Variants in MBP observed in about 807,000 individuals in gnomAD.
The protein encoded by MBP is Golli-MBP.
A neutral mutation model predicts 35.8 loss-of-function variants in MBP; 16 were observed. The ratio of observed to expected loss-of-function variants is 0.45; its 90% CI spans 0.30 to 0.68. The LOEUF is 0.68. MBP is among the 30% of genes least tolerant of loss of function. MBP has a pLI of 0.08. For synonymous variants in MBP, 143 were observed against 159.6 expected (o/e 0.90, Z 0.78); for missense variants, 380 against 404.7 (o/e 0.94, Z 0.52).
chr18:76,999,580 A>G (rs939431946), intron 4 of MBP, among the ~76,000 whole-genome samples: 12 of 151,928 alleles, frequency 7.9e-5, no homozygotes, highest in African/African-American at 2.9e-4. Context: ...CAGCCTCCCA[A>G]GTAGCTGGGA....
chr18:77,056,805 T>A (rs1973744044), intron 3 of MBP, among the ~76,000 whole-genome samples: 1 of 152,124 alleles, frequency 6.6e-6, no homozygotes. Context: ...ACAACCCCCC[T>A]CTGCACAGGG....
At chr18:76,980,580 T>C (rs978432167) in intron 8 of MBP, 109 bp from the exon 9 acceptor site, 7 of 805,738 alleles carry the variant, frequency 8.7e-6, no homozygotes, top group Admixed American at 1.9e-5. Flanking sequence ...GGTGTCTCTC[T>C]CATCTGCTAA....
intron 2 of MBP, among the ~76,000 whole-genome samples, chr18:77,082,763 G>A (rs1975014300): frequency 1.5e-5 from 1 of 67,580 alleles, no homozygotes; most frequent in African/African-American, 4.7e-5. Context: ...AGCAGCAGCT[G>A]GACCAGGTGG....
In MBP at chr18:76,997,769, G is replaced by A. The variant is rs906569051; in HGVS notation, c.577-7709C>T. ...GCGACCTCGGCTCACTGCAAGCTCC[G>A]CCTCCCGGGTTCACGCCACTCTCCT... On this transcript the variant is annotated intron_variant, in intron 4 of 8. Transcript: ENST00000355994. 4.6e-5 allele frequency among the ~76,000 whole-genome samples: 7 copies of A among 150,730 alleles called. 1 individual carries two copies. Among genetic ancestry groups the A allele is most frequent in the African/African-American group, 1.5e-4 (6 of 40,524 alleles).
intron 2 of MBP, among the ~76,000 whole-genome samples, chr18:77,070,231 G>A (rs910508016): frequency 2.0e-5 from 3 of 152,310 alleles, no homozygotes; most frequent in South Asian, 2.1e-4. Context: ...CCCTCCCTGC[G>A]TCATTGCCCA....
chr18:76,980,460 A>G lies in MBP; in HGVS notation c.882T>C (p.Asp294=). 6.2e-7 allele frequency: 1 copy of G among 1,613,740 alleles called. No individual in the cohort carries two copies. Reference sequence around the variant, plus strand: ...TAGCCATGGGTGATCCAGAGCGACTATCTCTTCCTCCCTGAAAAGGAAGAG... The same window carrying G: ...TAGCCATGGGTGATCCAGAGCGACTGTCTCTTCCTCCCTGAAAAGGAAGAG... ...LSKIFKLGGR[D]SRSGSPMARR Residue 294 remains aspartate, a synonymous_variant, in exon 9 of 9, where the codon GAT becomes GAC. Coordinates refer to ENST00000355994, the MANE Select transcript of MBP (RefSeq NM_001025101.2).
chr18:77,002,390 C>T (rs962980018), intron 4 of MBP, among the ~76,000 whole-genome samples: 1 of 152,196 alleles, frequency 6.6e-6, no homozygotes, highest in African/African-American at 2.4e-5. Context: ...TAATGTATCT[C>T]AATATGCCCA....
At chr18:77,036,091 TG>T (rs1289999895) in intron 3 of MBP, among the ~76,000 whole-genome samples, 11 of 151,818 alleles carry the variant, frequency 7.2e-5, no homozygotes, top group African/African-American at 2.2e-4. Context: ...GGTCACGTTT[TG>T]GAGGACTGAG....
At position 77,060,063 on chromosome 18, in the gene MBP, T is replaced by G. The variant is rs530363573; in HGVS notation, c.139+6235A>C. Reference sequence around the variant, plus strand: ...TGGCTCATGCCTGTAATCCAGCACTTTGGGAGGCTGAGGCCCTCGTTCCAT... The same window carrying G: ...TGGCTCATGCCTGTAATCCAGCACTGTGGGAGGCTGAGGCCCTCGTTCCAT... On this transcript the variant is annotated intron_variant, in intron 3 of 8. Coordinates refer to ENST00000355994, the MANE Select transcript of MBP (RefSeq NM_001025101.2). Among the ~76,000 whole-genome samples, 8 of 152,300 alleles carry G rather than the reference T, an allele frequency of 5.3e-5. 1 individual carries two copies. In the South Asian group the frequency reaches 1.7e-3, roughly 32 times the overall value.
chr18:77,126,790 C>G (rs893893468), intron 1 of MBP, among the ~76,000 whole-genome samples: 3 of 152,010 alleles, frequency 2.0e-5, no homozygotes, highest in Non-Finnish European at 4.4e-5. Flanking sequence ...TAGAAATGCC[C>G]CAAAGAAAAT....
intron 4 of MBP, among the ~76,000 whole-genome samples, chr18:77,010,705 C>T (rs539513949): frequency 1.3e-5 from 2 of 152,346 alleles, no homozygotes; most frequent in African/African-American, 2.4e-5. Flanking sequence ...CTGAGCTCTG[C>T]GGCTACAAAT....
intron 3 of MBP, among the ~76,000 whole-genome samples, chr18:77,049,952 T>C (rs113019827): frequency 0.012 from 1,844 of 152,306 alleles, 38 homozygotes; most frequent in African/African-American, 0.042. Context: ...AGTGCTAGGA[T>C]TACAGGCGTG....
At chr18:76,993,558 A>AAAC (rs1450522780) in intron 4 of MBP, among the ~76,000 whole-genome samples, 1 of 151,866 alleles carries the variant, frequency 6.6e-6, no homozygotes, top group Non-Finnish European at 1.5e-5. Context: ...TCCAAAAAAA[A>AAAC]AAAAAAAAAA....
intron 3 of MBP, among the ~76,000 whole-genome samples, chr18:77,022,382 G>A (rs983613583): frequency 6.6e-6 from 1 of 152,218 alleles, no homozygotes; most frequent in Non-Finnish European, 1.5e-5. Flanking sequence ...GACCAGGTGG[G>A]GCGGGAGACT....
At chr18:77,026,420 C>A (rs149183742) in intron 3 of MBP, among the ~76,000 whole-genome samples, 15 of 152,170 alleles carry the variant, frequency 9.9e-5, no homozygotes, top group Admixed American at 9.8e-4. Flanking sequence ...TAAAACATAA[C>A]GCAGAAATCA....
At position 76,989,918 on chromosome 18, in the gene MBP, C is replaced by G. The variant is rs1418826763; in HGVS notation, c.681+38G>C. ...GCAGTGGCCAGCACCCCTCCTCCCC[C>G]TCACAGTTGCTACCTCTTCCCATCG... On this transcript the variant is annotated intron_variant, in intron 5 of 8. Coordinates refer to ENST00000355994, the MANE Select transcript of MBP (RefSeq NM_001025101.2). The surrounding 1 kb of genome is among the most constrained non-coding windows in gnomAD (Gnocchi z 4.0). 1.3e-6 allele frequency: 2 copies of G among 1,554,708 alleles called. No individual in the cohort carries two copies. Among genetic ancestry groups the G allele is most frequent in the African/African-American group, 1.4e-5 (1 of 73,466 alleles).
chr18:77,062,771 C>G (rs555418416), intron 3 of MBP, among the ~76,000 whole-genome samples: 49 of 152,304 alleles, frequency 3.2e-4, no homozygotes, highest in African/African-American at 9.4e-4. Flanking sequence ...AGAGTCAGCA[C>G]CTGGCACAAA....
intron 3 of MBP, among the ~76,000 whole-genome samples, chr18:77,030,304 G>A (rs1389466603): frequency 6.6e-6 from 1 of 152,172 alleles, no homozygotes; most frequent in Non-Finnish European, 1.5e-5. Flanking sequence ...GGAGACCCAA[G>A]AGCCCATGGT....
chr18:77,095,803 C>T (rs1975734355), intron 2 of MBP, among the ~76,000 whole-genome samples: 1 of 152,204 alleles, frequency 6.6e-6, no homozygotes, highest in East Asian at 1.9e-4. Context: ...TCCGTAGACA[C>T]CCCAGGCAGT....
Sources: gnomAD v4.1 joint callset for allele counts (sites outside exome capture counted in the v4.1 genomes callset) on GRCh38, gnomAD v4.1.1 for gene constraint, Gnocchi (gnomAD v3.1) non-coding constraint, MANE v1.5 for transcripts, NCBI Gene and HGNC (gene_info 2026-07-23, HGNC 2026-07-21) for gene names.